Variants in TCF7L2 observed in about 807,000 individuals in gnomAD.
TCF7L2 encodes transcription factor 7-like 2.
Under a neutral mutation model 77.9 loss-of-function variants are expected in TCF7L2, and 23 were observed. That is an observed-to-expected ratio of 0.30 (90% CI 0.21 to 0.42). TCF7L2 has a LOEUF of 0.42. TCF7L2 is among the 10% of genes least tolerant of loss of function. The probability of loss-of-function intolerance (pLI) is 1.00; values close to 1 mark genes in which losing one functional copy is unlikely to be tolerated. For missense variants in TCF7L2, 654 were observed against 793.1 expected, an observed-to-expected ratio of 0.82 and a Z score of 2.11; for synonymous variants, 413 against 340.2, an observed-to-expected ratio of 1.21 and a Z score of -2.36.
chr10:113,118,676 T>G (rs1017131738), intron 5 of TCF7L2, among the ~76,000 whole-genome samples: 11 of 92,176 alleles, frequency 1.2e-4, no homozygotes, highest in East Asian at 4.7e-4. Flanking sequence ...TTTTTTTTTT[T>G]TGTTTTTTTT....
chr10:113,161,277 C>T, intron 13 of TCF7L2: 1 of 440,060 alleles, frequency 2.3e-6, no homozygotes, highest in Non-Finnish European at 4.1e-6. Flanking sequence ...CATGCACCAG[C>T]TAAAGGGCTG....
At chr10:113,138,956 GA>G (rs1371657036) in intron 5 of TCF7L2, among the ~76,000 whole-genome samples, 1 of 152,178 alleles carries the variant, frequency 6.6e-6, no homozygotes, top group Non-Finnish European at 1.5e-5. Flanking sequence ...TGCTGGTTCT[GA>G]TGCCCACCAC....
intron 8 of TCF7L2, 141 bp from the exon 9 acceptor site, chr10:113,150,857 G>T (rs772273174): frequency 8.0e-5 from 84 of 1,056,538 alleles, no homozygotes; most frequent in Non-Finnish European, 9.5e-5. Flanking sequence ...GCTAATTAAT[G>T]CTGACAGGTT....
At chr10:112,987,436 C>G (rs2041758647) in intron 4 of TCF7L2, 1 of 148,460 alleles carries the variant, frequency 6.7e-6, no homozygotes, top group Non-Finnish European at 1.5e-5. Flanking sequence ...TTTTTTTTCC[C>G]CCAAATGCAT....
chr10:113,024,304 A>C (rs1440255084), intron 4 of TCF7L2, among the ~76,000 whole-genome samples: 1 of 151,906 alleles, frequency 6.6e-6, no homozygotes, highest in Non-Finnish European at 1.5e-5. Flanking sequence ...TCTCACAACA[A>C]AACAAAACAA....
intron 3 of TCF7L2, among the ~76,000 whole-genome samples, chr10:112,961,414 C>T (rs1589701434): frequency 1.3e-5 from 2 of 152,138 alleles, no homozygotes; most frequent in East Asian, 3.9e-4. Flanking sequence ...AATGGCCTAC[C>T]ATCTTTTATT....
intron 5 of TCF7L2, among the ~76,000 whole-genome samples, chr10:113,118,485 T>C (rs1188225881): frequency 6.6e-6 from 1 of 150,852 alleles, no homozygotes; most frequent in African/African-American, 2.4e-5. Flanking sequence ...TTCTTTTTCA[T>C]TTTTTAAAGT....
intron 4 of TCF7L2, among the ~76,000 whole-genome samples, chr10:113,010,013 G>A (rs920274148): frequency 1.3e-5 from 2 of 151,946 alleles, no homozygotes; most frequent in African/African-American, 4.8e-5. Flanking sequence ...GCTCCTATGG[G>A]TGCTGTTTTC....
At chr10:113,025,883 T>G (rs906293756) in intron 4 of TCF7L2, among the ~76,000 whole-genome samples, 1 of 151,498 alleles carries the variant, frequency 6.6e-6, no homozygotes, top group African/African-American at 2.4e-5. Context: ...TAAGTTAATT[T>G]TTTTTTTTTT....
intron 3 of TCF7L2, among the ~76,000 whole-genome samples, chr10:112,952,822 C>T (rs1326291694): frequency 1.3e-5 from 2 of 150,690 alleles, no homozygotes; most frequent in Non-Finnish European, 3.0e-5. Context: ...CTCATCCCCT[C>T]CCCCACCGGC....
intron 5 of TCF7L2, among the ~76,000 whole-genome samples, chr10:113,137,941 T>G (rs1054667825): frequency 8.5e-5 from 13 of 152,156 alleles, no homozygotes; most frequent in African/African-American, 3.1e-4. Context: ...AAGAAAGGGT[T>G]CTGGGGTCTG....
intron 4 of TCF7L2, among the ~76,000 whole-genome samples, chr10:112,978,104 A>G (rs562057946): frequency 5.9e-5 from 9 of 152,358 alleles, no homozygotes; most frequent in African/African-American, 2.2e-4. Context: ...GAGAGAAAGA[A>G]AAAGGACAGC....
chr10:113,005,984 C>T (rs1426775767), intron 4 of TCF7L2, among the ~76,000 whole-genome samples: 1 of 151,490 alleles, frequency 6.6e-6, no homozygotes, highest in Non-Finnish European at 1.5e-5. Context: ...AAGAAAAGAA[C>T]ATTCCAATAG....
At chr10:113,013,912 A>G (rs1011990735) in intron 4 of TCF7L2, among the ~76,000 whole-genome samples, 7 of 151,982 alleles carry the variant, frequency 4.6e-5, no homozygotes, top group Non-Finnish European at 1.0e-4. Flanking sequence ...TTGTTTATTG[A>G]GTTGTTAACT....
At chr10:113,164,030 G>A (rs116212690) in intron 13 of TCF7L2, among the ~76,000 whole-genome samples, 21 of 152,308 alleles carry the variant, frequency 1.4e-4, no homozygotes, top group African/African-American at 5.1e-4. Flanking sequence ...GCTGGCCAGT[G>A]CTTACACACG....
At position 112,997,772 on chromosome 10, in the gene TCF7L2, G is replaced by A. The variant is rs547197073; in HGVS notation, c.450+33148G>A. The stretch of plus-strand genomic sequence containing the variant: ...GGAGCAAGATTCCATGTTGGTTTCT[G>A]TTGGGCCTAGAGTGTCACACTGAGA... On this transcript the variant is annotated intron_variant, in intron 4 of 13. Transcript: ENST00000627217. Among the ~76,000 whole-genome samples, 180 of 152,272 alleles carry A rather than the reference G, an allele frequency of 1.2e-3. 1 individual carries two copies. Among genetic ancestry groups the A allele is most frequent in the Middle Eastern group, 0.01 (3 of 294 alleles).
At chr10:113,004,447 G>GTCC (rs1329228154) in intron 4 of TCF7L2, among the ~76,000 whole-genome samples, 3 of 152,138 alleles carry the variant, frequency 2.0e-5, no homozygotes, top group Non-Finnish European at 4.4e-5. Context: ...GAACTTTAAG[G>GTCC]TCCTTGGCTT....
At chr10:112,961,448 G>T (rs1273698116) in intron 3 of TCF7L2, among the ~76,000 whole-genome samples, 1 of 152,178 alleles carries the variant, frequency 6.6e-6, no homozygotes, top group Non-Finnish European at 1.5e-5. Flanking sequence ...TCTGGAGAGA[G>T]AAATGATTGT....
intron 3 of TCF7L2, among the ~76,000 whole-genome samples, chr10:112,953,295 C>A (rs2032523485): frequency 6.6e-6 from 1 of 152,088 alleles, no homozygotes; most frequent in Non-Finnish European, 1.5e-5. Context: ...GCTGGGAGAG[C>A]GGTTCGGCTC....
Sources: allele counts gnomAD v4.1 joint callset (sites outside exome capture counted in the v4.1 genomes callset), GRCh38; gene constraint gnomAD v4.1.1; transcripts MANE v1.5; gene names NCBI Gene and HGNC (gene_info 2026-07-23, HGNC 2026-07-21).